The following LDB2 variants were observed in gnomAD, a reference collection of about 807,000 sequenced individuals.
The protein encoded by LDB2 is LIM domain binding 2.
LDB2 carries 12 observed loss-of-function variants against 44.3 expected under a neutral mutation model. That is an observed-to-expected ratio of 0.27 (90% CI 0.17 to 0.44). The LOEUF (loss-of-function observed/expected upper bound fraction) is 0.44, where lower values mean the gene tolerates loss of function less well. LDB2 is among the 20% of genes least tolerant of loss of function. LDB2 has a pLI of 1.00. For missense variants in LDB2, 344 were observed against 473.5 expected (o/e 0.73, Z 2.54); for synonymous variants, 164 against 174.8 (o/e 0.94, Z 0.49).
chr4:16,761,371 A>G (rs536229354), intron 1 of LDB2, among the ~76,000 whole-genome samples: 2 of 152,302 alleles, frequency 1.3e-5, no homozygotes, highest in South Asian at 2.1e-4. Context: ...GGGGAGAAAG[A>G]GTTGAAAGGG....
chr4:16,789,146 G>A (rs1359273486), intron 1 of LDB2, among the ~76,000 whole-genome samples: 1 of 152,224 alleles, frequency 6.6e-6, no homozygotes, highest in Non-Finnish European at 1.5e-5. Flanking sequence ...AGGAGGTGGA[G>A]AGAATCTACT....
intron 6 of LDB2, among the ~76,000 whole-genome samples, chr4:16,511,273 A>G (rs186054162): frequency 6.6e-6 from 1 of 152,320 alleles, no homozygotes; most frequent in East Asian, 1.9e-4. Context: ...GAGGCTCAAC[A>G]CACGCCTGGG....
At chr4:16,761,141 T>C (rs1353289941) in intron 1 of LDB2, among the ~76,000 whole-genome samples, 1 of 152,136 alleles carries the variant, frequency 6.6e-6, no homozygotes, top group Non-Finnish European at 1.5e-5. Context: ...GCTCAATGAA[T>C]GAATGAAGCT....
chr4:16,520,959 A>G (rs1287075399), intron 5 of LDB2, among the ~76,000 whole-genome samples: 5 of 151,888 alleles, frequency 3.3e-5, no homozygotes, highest in Admixed American at 2.6e-4. Flanking sequence ...CCCTTCCACA[A>G]TGCTTGGGTT....
intron 1 of LDB2, chr4:16,888,608 G>T: frequency 4.1e-6 from 2 of 486,122 alleles, no homozygotes; most frequent in Non-Finnish European, 5.4e-6. Flanking sequence ...ATATGCTAGT[G>T]CAGGCATGTA....
chr4:16,849,185 G>A (rs537931572), intron 1 of LDB2, among the ~76,000 whole-genome samples: 1 of 152,168 alleles, frequency 6.6e-6, no homozygotes, highest in South Asian at 2.1e-4. Context: ...GCTCCTGCCT[G>A]TTAGTTCTCT....
At chr4:16,651,973 A>G (rs1738408968) in intron 2 of LDB2, among the ~76,000 whole-genome samples, 2 of 152,118 alleles carry the variant, frequency 1.3e-5, no homozygotes. Context: ...TTTATTTCAG[A>G]CAGGATTTCA....
chr4:16,663,550 T>A (rs934225191), intron 2 of LDB2, among the ~76,000 whole-genome samples: 1 of 152,154 alleles, frequency 6.6e-6, no homozygotes, highest in Non-Finnish European at 1.5e-5. Context: ...CATGTGCAAA[T>A]ATAATTTGGA....
At chr4:16,703,343 A>T (rs910904879) in intron 2 of LDB2, among the ~76,000 whole-genome samples, 2 of 152,222 alleles carry the variant, frequency 1.3e-5, no homozygotes, top group African/African-American at 4.8e-5. Flanking sequence ...AGGTAGAAGA[A>T]ATTATGCAAA....
chr4:16,725,726 C>T (rs1759293271), intron 2 of LDB2, among the ~76,000 whole-genome samples: 3 of 151,934 alleles, frequency 2.0e-5, no homozygotes, highest in Admixed American at 2.0e-4. Context: ...TCCCTTTTTC[C>T]CACTATGAAG....
chr4:16,866,323 G>GA (rs1714689678), intron 1 of LDB2, among the ~76,000 whole-genome samples: 1 of 152,068 alleles, frequency 6.6e-6, no homozygotes, highest in Non-Finnish European at 1.5e-5. Flanking sequence ...TTAAATAATG[G>GA]AAAAATAAGT....
intron 1 of LDB2, among the ~76,000 whole-genome samples, chr4:16,858,188 G>A (rs1005269448): frequency 1.3e-5 from 2 of 152,158 alleles, no homozygotes; most frequent in African/African-American, 4.8e-5. Context: ...TTACAGATGA[G>A]GAAACTGAGG....
At chr4:16,511,787 CTG>C (rs1317411780) in intron 6 of LDB2, 192 bp downstream of exon 6, 4 of 554,724 alleles carry the variant, frequency 7.2e-6, no homozygotes, top group African/African-American at 5.6e-5. Context: ...AGTGAGGAGA[CTG>C]TAGATAATTC....
intron 2 of LDB2, among the ~76,000 whole-genome samples, chr4:16,672,902 CT>C (rs150791250): frequency 0.025 from 3,733 of 149,854 alleles, 78 homozygotes; most frequent in African/African-American, 0.056. Context: ...TTCCTTCCCC[CT>C]CTCCTTATCT....
intron 2 of LDB2, among the ~76,000 whole-genome samples, chr4:16,640,826 G>A (rs958480028): frequency 6.6e-6 from 1 of 152,152 alleles, no homozygotes; most frequent in Admixed American, 6.5e-5. Flanking sequence ...AATGAACCAT[G>A]TATTTGATAT....
chr4:16,839,627 T>G (rs145857437), intron 1 of LDB2, among the ~76,000 whole-genome samples: 8 of 152,234 alleles, frequency 5.3e-5, no homozygotes, highest in Non-Finnish European at 1.2e-4. Flanking sequence ...AAGTAATCTG[T>G]CAAGAGTTAA....
chr4:16,845,969 C>A (rs368967183), intron 1 of LDB2, among the ~76,000 whole-genome samples: 2 of 151,848 alleles, frequency 1.3e-5, no homozygotes, highest in Non-Finnish European at 2.9e-5. Flanking sequence ...ATTAGCCAGG[C>A]GTGGCAGCAT....
chr4:16,510,509 G>T (rs961814748), intron 6 of LDB2, among the ~76,000 whole-genome samples: 1 of 152,100 alleles, frequency 6.6e-6, no homozygotes. Context: ...TATAAATTTG[G>T]TGCTCTTTTT....
intron 1 of LDB2, among the ~76,000 whole-genome samples, chr4:16,861,445 G>C (rs1712508051): frequency 6.6e-6 from 1 of 152,168 alleles, no homozygotes; most frequent in Non-Finnish European, 1.5e-5. Context: ...TCCAGACTTT[G>C]ACAAGTGTTC....
Sources: allele counts gnomAD v4.1 joint callset (sites outside exome capture counted in the v4.1 genomes callset), GRCh38; gene constraint gnomAD v4.1.1; transcripts MANE v1.5; gene names NCBI Gene and HGNC (gene_info 2026-07-23, HGNC 2026-07-21).